The following ADCK1 variants were observed in gnomAD, a reference collection of about 807,000 sequenced individuals.
ADCK1 encodes the protein aarF domain containing kinase 1.
ADCK1 carries 41 observed loss-of-function variants against 52.3 expected under a neutral mutation model. That is an observed-to-expected ratio of 0.78 (90% CI 0.61 to 1.02). ADCK1 has a LOEUF of 1.02. ADCK1 is among the 50% of genes least tolerant of loss of function. The pLI is 0.00. For missense variants in ADCK1, 658 were observed against 679.5 expected, an observed-to-expected ratio of 0.97 and a Z score of 0.35; for synonymous variants, 250 against 274.6, an observed-to-expected ratio of 0.91 and a Z score of 0.89.
At chr14:77,890,110 A>G (rs898004498) in intron 5 of ADCK1, among the ~76,000 whole-genome samples, 3 of 152,248 alleles carry the variant, frequency 2.0e-5, no homozygotes, top group African/African-American at 7.2e-5. Flanking sequence ...ATAATGAGTC[A>G]CCTCAAAACA....
rs1163809569 is a variant in ADCK1, at chr14:77,899,127, T to C, written c.610T>C (p.Phe204Leu). Residue 204 changes from phenylalanine to leucine, a missense_variant, in exon 6 of 11, where the codon TTC becomes CTC. Coordinates refer to ENST00000238561, the MANE Select transcript of ADCK1 (RefSeq NM_020421.4). Reference sequence around the variant, plus strand: ...GCTCGTTCTGGCTGTGAAGCAGCTGTTCCCAGAGTTTGAGTTTATGTGGCT... The same window carrying C: ...GCTCGTTCTGGCTGTGAAGCAGCTGCTCCCAGAGTTTGAGTTTATGTGGCT... ...EVLVLAVKQL[F>L]PEFEFMWLVD... 6.2e-7 allele frequency: 1 copy of C among 1,614,080 alleles called. No homozygotes were observed. The highest frequency in any genetic ancestry group is 1.7e-5 in the Admixed American group (1 of 60,026).
At chr14:77,903,055 T>G (rs1760129058) in intron 6 of ADCK1, among the ~76,000 whole-genome samples, 1 of 152,198 alleles carries the variant, frequency 6.6e-6, no homozygotes. Context: ...ACAGCAAAAT[T>G]GTCCCCTGGC....
chr14:77,891,610 T>C (rs1286557699), intron 5 of ADCK1, among the ~76,000 whole-genome samples: 2 of 152,176 alleles, frequency 1.3e-5, no homozygotes, highest in African/African-American at 4.8e-5. Context: ...CCTGGCAGGC[T>C]GTGTGCAGAG....
intron 4 of ADCK1, among the ~76,000 whole-genome samples, chr14:77,868,476 C>T (rs1025045471): frequency 1.3e-5 from 2 of 152,184 alleles, no homozygotes; most frequent in African/African-American, 4.8e-5. Context: ...TTGAGGAAGC[C>T]ATATTTTCCT....
chr14:77,807,531 T>G (rs1189942675), intron 1 of ADCK1, among the ~76,000 whole-genome samples: 2 of 142,006 alleles, frequency 1.4e-5, no homozygotes, highest in Non-Finnish European at 3.1e-5. Flanking sequence ...TTTTTTGAGA[T>G]GGAGTTTCGC....
intron 1 of ADCK1, 129 bp from the exon 2 acceptor site, chr14:77,818,839 C>CT: frequency 9.2e-7 from 1 of 1,088,348 alleles, no homozygotes. Flanking sequence ...AACGAAGAAA[C>CT]TAAGGCTCAG....
intron 3 of ADCK1, among the ~76,000 whole-genome samples, chr14:77,849,597 C>G (rs901319215): frequency 1.3e-5 from 2 of 152,030 alleles, no homozygotes; most frequent in Non-Finnish European, 2.9e-5. Flanking sequence ...GCATATGCCA[C>G]CATGCCTGGC....
intron 1 of ADCK1, among the ~76,000 whole-genome samples, chr14:77,810,231 C>G (rs2081312329): frequency 6.6e-6 from 1 of 152,114 alleles, no homozygotes; most frequent in Admixed American, 6.6e-5. Flanking sequence ...CCTCCTACCT[C>G]AGCCTCCTGA....
chr14:77,802,912 C>T (rs1219112782), intron 1 of ADCK1, among the ~76,000 whole-genome samples: 1 of 152,054 alleles, frequency 6.6e-6, no homozygotes, highest in Non-Finnish European at 1.5e-5. Context: ...CGAGATTGCG[C>T]CACTGCACTC....
chr14:77,843,098 C>T (rs2082110012), intron 3 of ADCK1, among the ~76,000 whole-genome samples: 2 of 151,924 alleles, frequency 1.3e-5, no homozygotes, highest in Non-Finnish European at 1.5e-5. Flanking sequence ...TACTAAGTTG[C>T]CCAGGCTGGT....
chr14:77,891,421 C>T (rs949286701), intron 5 of ADCK1, among the ~76,000 whole-genome samples: 7 of 152,220 alleles, frequency 4.6e-5, no homozygotes, highest in African/African-American at 7.2e-5. Flanking sequence ...GCTGCCTCTG[C>T]GTAGTAAAGC....
chr14:77,872,584 G>C (rs74760472), intron 4 of ADCK1, among the ~76,000 whole-genome samples: 6 of 151,824 alleles, frequency 4.0e-5, no homozygotes, highest in Non-Finnish European at 7.4e-5. Flanking sequence ...GCTGGCCTTG[G>C]GGGGAGAGTG....
chr14:77,908,016 T>C, intron 7 of ADCK1, 97 bp downstream of exon 7: 3 of 953,472 alleles, frequency 3.1e-6, no homozygotes, highest in Non-Finnish European at 4.9e-6. Context: ...CCTCAGAGTC[T>C]GGCCCCCTTG....
intron 8 of ADCK1, among the ~76,000 whole-genome samples, chr14:77,925,380 G>T (rs2084165685): frequency 6.6e-6 from 1 of 152,226 alleles, no homozygotes; most frequent in Non-Finnish European, 1.5e-5. Context: ...GCGGCAGGGT[G>T]AGGGCTTGGA....
chr14:77,886,907 AACACAC>A (rs59174310), intron 4 of ADCK1, among the ~76,000 whole-genome samples, 178 bp from the exon 5 acceptor site: 30,620 of 123,558 alleles, frequency 0.25, 3,362 homozygotes, highest in East Asian at 0.52. Flanking sequence ...ACTCTGTCTC[AACACAC>A]ACACACACAC....
intron 1 of ADCK1, among the ~76,000 whole-genome samples, chr14:77,815,289 G>A (rs546233076): frequency 1.4e-5 from 2 of 147,776 alleles, no homozygotes; most frequent in Non-Finnish European, 3.0e-5. Context: ...TTTCAGCCTC[G>A]AGACCTCCTA....
chr14:77,915,454 T>C (rs1175564548), intron 7 of ADCK1, among the ~76,000 whole-genome samples: 1 of 151,026 alleles, frequency 6.6e-6, no homozygotes, highest in East Asian at 2.0e-4. Flanking sequence ...TAAAGACACA[T>C]GCACACGTAT....
At chr14:77,816,082 C>T (rs1392787697) in intron 1 of ADCK1, among the ~76,000 whole-genome samples, 2 of 152,170 alleles carry the variant, frequency 1.3e-5, no homozygotes, top group African/African-American at 4.8e-5. Context: ...GCTGGAATTA[C>T]AGGCGTGAGC....
At chr14:77,810,778 G>A (rs529919336) in intron 1 of ADCK1, among the ~76,000 whole-genome samples, 4 of 151,568 alleles carry the variant, frequency 2.6e-5, no homozygotes, top group African/African-American at 9.7e-5. Flanking sequence ...TGATTTGCCT[G>A]CCTCAGCCTC....
Sources: gnomAD v4.1 joint callset for allele counts (sites outside exome capture counted in the v4.1 genomes callset) on GRCh38, gnomAD v4.1.1 for gene constraint, MANE v1.5 for transcripts, NCBI Gene and HGNC (gene_info 2026-07-23, HGNC 2026-07-21) for gene names.